The following CTIF variants were observed in gnomAD, a reference collection of about 807,000 sequenced individuals.
CTIF encodes the protein cap binding complex dependent translation initiation factor.
CTIF carries 21 observed loss-of-function variants against 66.0 expected under a neutral mutation model. The observed-to-expected ratio is 0.32, with a 90% CI of 0.23 to 0.46. CTIF has a LOEUF of 0.46. CTIF is among the 20% of genes least tolerant of loss of function. The pLI is 1.00. For missense variants in CTIF, 739 were observed against 812.7 expected (o/e 0.91, Z 1.10); for synonymous variants, 345 against 326.4 (o/e 1.06, Z -0.62).
intron 10 of CTIF, among the ~76,000 whole-genome samples, chr18:48,851,357 G>T (rs1391479460): frequency 2.0e-5 from 3 of 152,222 alleles, no homozygotes; most frequent in Admixed American, 2.0e-4. Context: ...AGGCACGCAG[G>T]CTGTGGGCTG....
chr18:48,687,305 GACACACAC>G (rs3082465), intron 6 of CTIF, among the ~76,000 whole-genome samples: 98 of 128,632 alleles, frequency 7.6e-4, no homozygotes, highest in Middle Eastern at 3.8e-3. Flanking sequence ...TCTAGGAGGG[GACACACAC>G]ACACACACAC....
intron 1 of CTIF, among the ~76,000 whole-genome samples, chr18:48,598,048 C>T (rs1430282682): frequency 1.3e-5 from 2 of 152,202 alleles, no homozygotes; most frequent in Non-Finnish European, 2.9e-5. Context: ...GCTGCGGCAC[C>T]CTGAAGCCAA....
At chr18:48,697,032 A>C (rs140220327) in intron 6 of CTIF, among the ~76,000 whole-genome samples, 1 of 152,310 alleles carries the variant, frequency 6.6e-6, no homozygotes, top group Admixed American at 6.5e-5. Context: ...AGAGGACATC[A>C]AGGATCCTGG....
chr18:48,711,069 C>T (rs2092217381), intron 6 of CTIF, among the ~76,000 whole-genome samples: 1 of 152,118 alleles, frequency 6.6e-6, no homozygotes, highest in South Asian at 2.1e-4. Context: ...GAAAGAAGAT[C>T]TTGGGTAAAA....
chr18:48,541,602 A>G (rs982678100), intron 1 of CTIF, among the ~76,000 whole-genome samples: 11 of 152,188 alleles, frequency 7.2e-5, no homozygotes, highest in Admixed American at 6.5e-5. Context: ...CAGACGCTAG[A>G]GGATGGCCAG....
chr18:48,750,772 C>T (rs1435352822), intron 7 of CTIF, among the ~76,000 whole-genome samples: 1 of 152,220 alleles, frequency 6.6e-6, no homozygotes, highest in Non-Finnish European at 1.5e-5. Flanking sequence ...TTTGCTTCTG[C>T]ACCACACGCT....
chr18:48,814,245 G>A (rs545686904), intron 9 of CTIF, among the ~76,000 whole-genome samples: 20 of 152,262 alleles, frequency 1.3e-4, no homozygotes, highest in Admixed American at 3.9e-4. Context: ...TTTAACACCC[G>A]AGTTAGCACT....
intron 7 of CTIF, among the ~76,000 whole-genome samples, chr18:48,757,489 G>A (rs991155284): frequency 6.6e-5 from 10 of 152,270 alleles, no homozygotes; most frequent in South Asian, 6.2e-4. Context: ...GCAGGTCTGC[G>A]TATGCATCTT....
chr18:48,777,606 T>G (rs1283136039), intron 9 of CTIF, among the ~76,000 whole-genome samples: 1 of 152,190 alleles, frequency 6.6e-6, no homozygotes, highest in Non-Finnish European at 1.5e-5. Flanking sequence ...GGTCCTGGAT[T>G]CCCTGGGAAC....
chr18:48,753,938 C>T (rs975400623), intron 7 of CTIF, among the ~76,000 whole-genome samples: 24 of 152,282 alleles, frequency 1.6e-4, no homozygotes, highest in African/African-American at 5.3e-4. Context: ...ATGAAGGTAT[C>T]GACGAAACCC....
At chr18:48,583,975 T>G (rs2089715928) in intron 1 of CTIF, among the ~76,000 whole-genome samples, 1 of 152,234 alleles carries the variant, frequency 6.6e-6, no homozygotes, top group Non-Finnish European at 1.5e-5. Flanking sequence ...TCTTGTCTTT[T>G]ATCAGACAGG....
At chr18:48,570,524 T>C (rs1211065381) in intron 1 of CTIF, among the ~76,000 whole-genome samples, 1 of 151,998 alleles carries the variant, frequency 6.6e-6, no homozygotes, top group African/African-American at 2.4e-5. Flanking sequence ...GAGACAGACA[T>C]CCACGCACAC....
chr18:48,751,868 T>A (rs902178174), intron 7 of CTIF, among the ~76,000 whole-genome samples: 1 of 152,202 alleles, frequency 6.6e-6, no homozygotes, highest in Non-Finnish European at 1.5e-5. Context: ...CTGATTAACC[T>A]CTGGGCAGAA....
chr18:48,854,651 T>C (rs2069284389), intron 10 of CTIF, among the ~76,000 whole-genome samples: 1 of 152,136 alleles, frequency 6.6e-6, no homozygotes. Context: ...CCAAGCATGG[T>C]GGCTCACACC....
chr18:48,656,418 G>A (rs2091247944), intron 3 of CTIF, among the ~76,000 whole-genome samples: 1 of 152,178 alleles, frequency 6.6e-6, no homozygotes, highest in Non-Finnish European at 1.5e-5. Flanking sequence ...TAGGGTTGTA[G>A]TAACAGTGCC....
chr18:48,767,326 C>G (rs1909665072), intron 9 of CTIF, among the ~76,000 whole-genome samples: 1 of 152,112 alleles, frequency 6.6e-6, no homozygotes, highest in Non-Finnish European at 1.5e-5. Flanking sequence ...TTTGGAATGA[C>G]AGGAATGGAA....
chr18:48,859,364 G>T lies in CTIF; in HGVS notation c.1602G>T (p.Leu534=), dbSNP rs2069405195. Residue 534 remains leucine (L), a synonymous_variant, in exon 12 of 12, where the codon CTG becomes CTT. Coordinates refer to ENST00000256413, the MANE Select transcript of CTIF (RefSeq NM_014772.3). ...CSMELQSTGR[L]LEEQLPEMMT... Reference sequence around the variant, plus strand: ...TGCAGCTGCAGAGTACAGGCCGGCTGCTGGAGGAACAGCTGCCTGAGATGA... The same window carrying T: ...TGCAGCTGCAGAGTACAGGCCGGCTTCTGGAGGAACAGCTGCCTGAGATGA... 1.9e-6 allele frequency: 3 copies of T among 1,613,964 alleles called. No individual in the cohort carries two copies. Among genetic ancestry groups the T allele is most frequent in the Non-Finnish European group, 2.5e-6 (3 of 1,180,034 alleles).
intron 1 of CTIF, among the ~76,000 whole-genome samples, chr18:48,557,488 G>A (rs1021312002): frequency 4.6e-5 from 7 of 152,232 alleles, no homozygotes; most frequent in Admixed American, 1.3e-4. Context: ...ATCCACTGCC[G>A]TGGAGAGACC....
At chr18:48,748,834 A>G (rs1907508290) in intron 7 of CTIF, among the ~76,000 whole-genome samples, 1 of 152,166 alleles carries the variant, frequency 6.6e-6, no homozygotes, top group Non-Finnish European at 1.5e-5. Flanking sequence ...GCAGTTTCTA[A>G]CTGTTGGTCA....
Sources: gnomAD v4.1 joint callset for allele counts (sites outside exome capture counted in the v4.1 genomes callset) on GRCh38, gnomAD v4.1.1 for gene constraint, MANE v1.5 for transcripts, NCBI Gene and HGNC (gene_info 2026-07-23, HGNC 2026-07-21) for gene names.